COL4A2: variants seen among roughly 807,000 people sequenced by gnomAD.
COL4A2 encodes the protein collagen alpha-2(IV) chain.
In COL4A2, 99 loss-of-function variants were observed where a neutral mutation model predicts 200.2. The observed-to-expected ratio is 0.49, with a 90% confidence interval of 0.42 to 0.58. The LOEUF (loss-of-function observed/expected upper bound fraction) is 0.58, where lower values mean the gene tolerates loss of function less well. Ranked by LOEUF, COL4A2 falls within the 20% of genes least tolerant of loss-of-function variation. The pLI is 0.00. For synonymous variants in COL4A2, 897 were observed against 900.6 expected, an observed-to-expected ratio of 1.00 and a Z score of 0.07; for missense variants, 1,950 against 2,314.1, an observed-to-expected ratio of 0.84 and a Z score of 3.23.
intron 27 of COL4A2, among the ~76,000 whole-genome samples, chr13:110,467,411 T>C (rs1882288992): frequency 6.6e-6 from 1 of 152,260 alleles, no homozygotes; most frequent in Non-Finnish European, 1.5e-5. Flanking sequence ...GTTGCACTTC[T>C]ATGTATTTTC....
Position 110,507,929 on chromosome 13 carries a change from C to G in COL4A2, c.4595-6C>G. On this transcript the variant is annotated splice_polypyrimidine_tract_variant and splice_region_variant and intron_variant, in intron 46 of 47. Transcript: ENST00000360467. ...CACTGTGATCTCATGACCCCTCCTT[C>G]CACAGGGCTGGCGGGCTCCTGCCTG... The G allele has an allele frequency of 1.2e-6, 2 of 1,612,682 alleles. No individual in the cohort carries two copies. Among genetic ancestry groups the G allele is most frequent in the Non-Finnish European group, 1.7e-6 (2 of 1,179,058 alleles).
intron 22 of COL4A2, 163 bp downstream of exon 22, chr13:110,459,097 G>T (rs1881911393): frequency 1.5e-5 from 10 of 646,200 alleles, no homozygotes; most frequent in Non-Finnish European, 2.2e-5. Context: ...CCCCAAGGCG[G>T]ACTTTCTACA....
chr13:110,371,660 A>G (rs1239677548), intron 4 of COL4A2, among the ~76,000 whole-genome samples: 1 of 152,200 alleles, frequency 6.6e-6, no homozygotes, highest in African/African-American at 2.4e-5. Flanking sequence ...TTTGAACAAT[A>G]GCTGGTTTTG....
At chr13:110,395,194 C>T (rs1404849929) in intron 4 of COL4A2, among the ~76,000 whole-genome samples, 2 of 152,204 alleles carry the variant, frequency 1.3e-5, no homozygotes, top group Admixed American at 6.5e-5. Flanking sequence ...CTTACAAATC[C>T]TTCAGGCAGG....
intron 3 of COL4A2, among the ~76,000 whole-genome samples, chr13:110,339,006 T>C (rs977632550): frequency 6.6e-6 from 1 of 152,264 alleles, no homozygotes; most frequent in Non-Finnish European, 1.5e-5. Flanking sequence ...TTGGCAGTTA[T>C]GCCTCTGCCT....
chr13:110,508,009 T>C lies in COL4A2; in HGVS notation c.4669T>C (p.Tyr1557His). The C allele has an allele frequency of 6.2e-7, 1 of 1,614,232 alleles. No homozygotes were observed. The highest frequency in any genetic ancestry group is 8.5e-7 in the Non-Finnish European group (1 of 1,180,050). ...LYCNPGDVCYYASRNDKSYWL... is the reference protein window; with the variant it reads ...LYCNPGDVCYHASRNDKSYWL... ...CTGCAACCCTGGTGATGTCTGCTAC[T>C]ATGCCAGCCGGAACGACAAGTCCTA... The change falls in exon 47 of 48, where the codon TAT (tyrosine) becomes CAT (histidine). Residue 1557 changes from tyrosine (Y) to histidine (H), a missense_variant. By Grantham distance (83) the Tyr-to-His change is moderately conservative. This residue lies in a region of COL4A2 where 1,385 missense variants were observed against 1,720.5 expected (regional missense o/e 0.80). Coordinates refer to ENST00000360467, the MANE Select transcript of COL4A2 (RefSeq NM_001846.4). The surrounding 1 kb of genome is among the most constrained non-coding windows in gnomAD (Gnocchi z 6.1).
At chr13:110,469,562 G>A (rs185457007) in intron 28 of COL4A2, among the ~76,000 whole-genome samples, 71 of 152,228 alleles carry the variant, frequency 4.7e-4, no homozygotes, top group African/African-American at 1.4e-3. Flanking sequence ...CAGGTGTTTC[G>A]GAATGGCTGT....
chr13:110,504,698 C>T (rs1185981966), intron 45 of COL4A2, among the ~76,000 whole-genome samples: 1 of 152,124 alleles, frequency 6.6e-6, no homozygotes, highest in African/African-American at 2.4e-5. Flanking sequence ...TTCTGCCTCC[C>T]GGGTTCAAGC....
intron 13 of COL4A2, among the ~76,000 whole-genome samples, chr13:110,436,623 TA>T (rs941543263): frequency 2.0e-5 from 3 of 150,960 alleles, no homozygotes; most frequent in African/African-American, 4.9e-5. Context: ...AGAATTCATT[TA>T]AAAAAAAACT....
At chr13:110,457,708 C>A (rs1204096995) in intron 21 of COL4A2, 6 of 610,016 alleles carry the variant, frequency 9.8e-6, no homozygotes, top group African/African-American at 1.8e-5. Context: ...GAGCCTGATG[C>A]TGAGTCCTGT....
At chr13:110,311,812 C>T (rs753536701) in intron 3 of COL4A2, among the ~76,000 whole-genome samples, 1 of 152,224 alleles carries the variant, frequency 6.6e-6, no homozygotes, top group East Asian at 1.9e-4. Context: ...GACCTGGGGC[C>T]ACAATAGACG....
Position 110,438,633 on chromosome 13 carries a change from G to T in COL4A2, c.877G>T (p.Gly293Ter). Residue 293 changes from glycine to a stop codon, truncating the protein, a stop_gained, in exon 15 of 48, where the codon GGA (glycine) becomes TGA (stop). Coordinates refer to ENST00000360467, the MANE Select transcript of COL4A2 (RefSeq NM_001846.4). LOFTEE classifies it high-confidence loss of function. ...EPGIRGISLK[G>*]EEGIMGFPGL... ...TCTCTCCTAGGGCATTTCCTTGAAGGGAGAAGAAGGAATCATGGGCTTTCC... is the reference window on the plus strand; with the variant it reads ...TCTCTCCTAGGGCATTTCCTTGAAGTGAGAAGAAGGAATCATGGGCTTTCC... 2.5e-6 allele frequency: 4 copies of T among 1,614,236 alleles called. No individual in the cohort carries two copies. The highest frequency in any genetic ancestry group is 3.4e-6 in the Non-Finnish European group (4 of 1,180,032).
rs906258392 is a variant in COL4A2 at position 110,368,860 on chromosome 13, G to T, written c.180+11308G>T. ...AAGGCCAAAGAAAAGGGGGGGGGGG[G>T]GTTGAGCTCAATAATAGCATTAGGA... On this transcript the variant is annotated intron_variant, in intron 4 of 47. Transcript: ENST00000360467. 6.2e-5 allele frequency among the ~76,000 whole-genome samples: 8 copies of T among 129,414 alleles called. 1 individual carries two copies. Among genetic ancestry groups the T allele is most frequent in the African/African-American group, 1.2e-4 (4 of 32,158 alleles). The allele number at this position is 129,414 out of a possible 152,430, so 84.9% of individuals were successfully genotyped here.
intron 3 of COL4A2, among the ~76,000 whole-genome samples, chr13:110,351,214 ATTCT>A (rs1460129106): frequency 2.7e-5 from 2 of 73,444 alleles, no homozygotes; most frequent in African/African-American, 3.0e-4. Context: ...ACACCCAGCT[ATTCT>A]TTTTGTTTGT....
chr13:110,344,078 G>C (rs559813189), intron 3 of COL4A2, among the ~76,000 whole-genome samples: 1 of 151,812 alleles, frequency 6.6e-6, no homozygotes, highest in African/African-American at 2.4e-5. Context: ...ATGATGTCTC[G>C]GTGAACTCTC....
At chr13:110,309,964 C>T (rs1037911446) in intron 3 of COL4A2, among the ~76,000 whole-genome samples, 1 of 152,188 alleles carries the variant, frequency 6.6e-6, no homozygotes, top group Non-Finnish European at 1.5e-5. Context: ...GCTCTCCAGT[C>T]TGGGCGACGG....
intron 3 of COL4A2, among the ~76,000 whole-genome samples, chr13:110,349,833 G>T (rs59030659): frequency 2.0e-5 from 3 of 151,680 alleles, no homozygotes; most frequent in Admixed American, 2.0e-4. Context: ...GCACAGTCGT[G>T]GCTCACTAAA....
At chr13:110,309,081 C>T (rs1017043268) in intron 3 of COL4A2, among the ~76,000 whole-genome samples, 2 of 152,194 alleles carry the variant, frequency 1.3e-5, no homozygotes, top group African/African-American at 4.8e-5. Context: ...GAGCAGTACA[C>T]AGGTACAAAG....
intron 27 of COL4A2, among the ~76,000 whole-genome samples, chr13:110,468,723 C>T (rs1882347385): frequency 6.6e-6 from 1 of 152,202 alleles, no homozygotes; most frequent in Non-Finnish European, 1.5e-5. Context: ...GGTTTTGTGA[C>T]ATGGCTGAGG....
Sources: gnomAD v4.1 joint callset for allele counts (sites outside exome capture counted in the v4.1 genomes callset) on GRCh38, gnomAD v4.1.1 for gene constraint, gnomAD v4.1.1 regional missense constraint, Gnocchi (gnomAD v3.1) non-coding constraint, MANE v1.5 for transcripts, NCBI Gene and HGNC (gene_info 2026-07-23, HGNC 2026-07-21) for gene names.